SORL1: variants seen among roughly 807,000 people sequenced by gnomAD.
The protein encoded by SORL1 is sortilin related receptor 1.
A neutral mutation model predicts 273.7 loss-of-function variants in SORL1; 127 were observed. The observed-to-expected ratio is 0.46, with a 90% CI of 0.40 to 0.54. The LOEUF (loss-of-function observed/expected upper bound fraction) is 0.54. Among genes scored for constraint, SORL1 ranks in the 20% least tolerant of loss-of-function variants. The pLI is 0.00. For synonymous variants in SORL1, 1,031 were observed against 1,067.4 expected, an observed-to-expected ratio of 0.97 and a Z score of 0.66; for missense variants, 2,494 against 2,846.1, an observed-to-expected ratio of 0.88 and a Z score of 2.81.
chr11:121,474,578 G>A (rs1861230859), intron 2 of SORL1, among the ~76,000 whole-genome samples: 2 of 152,186 alleles, frequency 1.3e-5, no homozygotes, highest in Admixed American at 6.5e-5. Context: ...GAAACCGTGG[G>A]CAGTTCAGTA....
intron 5 of SORL1, among the ~76,000 whole-genome samples, chr11:121,491,077 C>T (rs564368163): frequency 4.6e-5 from 7 of 152,206 alleles, no homozygotes; most frequent in African/African-American, 1.7e-4. Context: ...GAATTCCAGG[C>T]AGAGGAACAA....
In SORL1 at chr11:121,514,290, C is replaced by T. The variant is rs1382941201; in HGVS notation, c.1180C>T (p.Pro394Ser). 1.9e-6 allele frequency: 3 copies of T among 1,614,078 alleles called. No individual in the cohort carries two copies. The highest frequency in any genetic ancestry group is 2.2e-5 in the South Asian group (2 of 91,070). ...CTTGGAGAACGTGCTCTATTACAGCCCAGGAGGGGCCGGCAGTGACACCTT... is the reference window on the plus strand; with the variant it reads ...CTTGGAGAACGTGCTCTATTACAGCTCAGGAGGGGCCGGCAGTGACACCTT... Reference protein sequence around the residue: ...LSLENVLYYSPGGAGSDTLVR... With the variant: ...LSLENVLYYSSGGAGSDTLVR... Residue 394 changes from proline (P) to serine (S), a missense_variant, in exon 8 of 48, where the codon CCA (proline) becomes TCA (serine). Transcript: ENST00000260197.
intron 12 of SORL1, 90 bp downstream of exon 12, chr11:121,532,642 T>A: frequency 9.3e-7 from 1 of 1,078,900 alleles, no homozygotes; most frequent in Non-Finnish European, 1.4e-6. Context: ...TCTATAGCAC[T>A]ATGTTGTTGA....
In SORL1 at chr11:121,591,135, G is replaced by A; in HGVS notation, c.4348G>A (p.Glu1450Lys). 6.2e-7 allele frequency: 1 copy of A among 1,614,146 alleles called. No individual in the cohort carries two copies. Among genetic ancestry groups the A allele is most frequent in the Non-Finnish European group, 8.5e-7 (1 of 1,180,036 alleles). ...CCGAGATTGTGCAGATGGCTCTGAC[G>A]AGGAAGCCTGCCCCTTGCTTGGTGA... ...GYRDCADGSD[E>K]EACPLLANVT... Residue 1450 changes from glutamate to lysine, a missense_variant, in exon 31 of 48, where the codon GAG (glutamate) becomes AAG (lysine). By Grantham distance (56) the Glu-to-Lys change is moderately conservative (BLOSUM62 1). Around this residue, in one of 3 missense-constraint regions of SORL1, gnomAD observed 1,609 missense variants for 1,816.4 expected, o/e 0.89. Coordinates refer to ENST00000260197, the MANE Select transcript of SORL1 (RefSeq NM_003105.6).
chr11:121,598,786 C>A (rs1243980722), intron 32 of SORL1, among the ~76,000 whole-genome samples: 1 of 152,140 alleles, frequency 6.6e-6, no homozygotes, highest in Non-Finnish European at 1.5e-5. Flanking sequence ...TTCCACCATG[C>A]ATAGGTTTTT....
At chr11:121,491,447 G>A (rs1439789582) in intron 5 of SORL1, among the ~76,000 whole-genome samples, 1 of 152,144 alleles carries the variant, frequency 6.6e-6, no homozygotes, top group Non-Finnish European at 1.5e-5. Context: ...GGTATGCTGG[G>A]TCAGTGGGTT....
intron 33 of SORL1, among the ~76,000 whole-genome samples, 196 bp downstream of exon 33, chr11:121,604,520 G>GTCTCCTCCCTGTT: frequency 6.6e-6 from 1 of 151,930 alleles, no homozygotes; most frequent in East Asian, 1.9e-4. Context: ...ACATGCAGCT[G>GTCTCCTCCCTGTT]TCTCCTCCCT....
At chr11:121,555,465 T>C in intron 18 of SORL1, 147 bp downstream of exon 18, 1 of 983,626 alleles carries the variant, frequency 1.0e-6, no homozygotes, top group Non-Finnish European at 1.5e-6. Context: ...CAGCTGAGCC[T>C]CTGGAGAGGA....
At chr11:121,537,008 A>T (rs1180877301) in intron 12 of SORL1, among the ~76,000 whole-genome samples, 2 of 152,142 alleles carry the variant, frequency 1.3e-5, no homozygotes, top group Non-Finnish European at 2.9e-5. Flanking sequence ...CTTCTGAGAG[A>T]GGAAACCCCA....
At chr11:121,466,145 T>C (rs140703537) in intron 1 of SORL1, among the ~76,000 whole-genome samples, 1 of 152,284 alleles carries the variant, frequency 6.6e-6, no homozygotes, top group East Asian at 1.9e-4. Context: ...CAATTAATTG[T>C]GTCTCATTTA....
intron 2 of SORL1, 85 bp from the exon 3 acceptor site, chr11:121,478,032 CA>C (rs55896588): frequency 0.28 from 282,557 of 1,002,146 alleles, 14,723 homozygotes; most frequent in African/African-American, 0.47. Context: ...AACTCAGTCT[CA>C]AAAAAAAAAA....
chr11:121,506,722 G>A (rs952693277), intron 6 of SORL1, among the ~76,000 whole-genome samples: 1 of 152,154 alleles, frequency 6.6e-6, no homozygotes, highest in African/African-American at 2.4e-5. Context: ...ATAGCATATG[G>A]TTGTGTCAGG....
intron 12 of SORL1, among the ~76,000 whole-genome samples, chr11:121,542,817 T>C (rs1163123862): frequency 6.7e-6 from 1 of 149,040 alleles, no homozygotes; most frequent in Non-Finnish European, 1.5e-5. Flanking sequence ...TCTGTAATTA[T>C]ATTATATTAT....
At position 121,627,608 on chromosome 11, in the gene SORL1, G is replaced by C. The variant is rs770592591; in HGVS notation, c.6418G>C (p.Val2140Leu). ...AARSTDVAAV[V>L]VPILFLILLS... is the part of the protein sequence containing the mutation. ...CAGATCTACGGATGTTGCTGCTGTG[G>C]TGGTGCCCATCTTATTCCTGATACT... The change falls in exon 47 of 48, where the codon GTG (valine) becomes CTG (leucine). Residue 2140 changes from valine to leucine, a missense_variant. Around this residue, in one of 3 missense-constraint regions of SORL1, gnomAD observed 1,609 missense variants for 1,816.4 expected, o/e 0.89. Transcript: ENST00000260197. This position sits in a 1 kb window ranked among gnomAD's most constrained non-coding sequence, Gnocchi z 4.9. 1 of 1,614,200 alleles carries C rather than the reference G, an allele frequency of 6.2e-7. No homozygotes were observed. The highest frequency in any genetic ancestry group is 8.5e-7 in the Non-Finnish European group (1 of 1,180,032).
chr11:121,628,316 G>A (rs1309013319), intron 47 of SORL1, among the ~76,000 whole-genome samples: 2 of 152,144 alleles, frequency 1.3e-5, no homozygotes, highest in South Asian at 4.2e-4. Context: ...AGCGGTGGAG[G>A]GGGAAGGGTT....
At chr11:121,496,298 T>G (rs1368845008) in intron 5 of SORL1, among the ~76,000 whole-genome samples, 1 of 152,070 alleles carries the variant, frequency 6.6e-6, no homozygotes, top group African/African-American at 2.4e-5. Flanking sequence ...AGGAGATCAG[T>G]ATGTTTGAGA....
At chr11:121,494,347 A>G (rs1861597506) in intron 5 of SORL1, among the ~76,000 whole-genome samples, 2 of 152,206 alleles carry the variant, frequency 1.3e-5, no homozygotes, top group Non-Finnish European at 2.9e-5. Context: ...TCTCAGAATA[A>G]TGATATACAT....
Position 121,606,932 on chromosome 11 carries a change from C to T in SORL1, c.5036C>T (p.Thr1679Ile), listed in dbSNP as rs372318707. The change falls in exon 36 of 48, where the codon ACC becomes ATC. Residue 1679 changes from threonine (T) to isoleucine (I), a missense_variant. Thr to Ile is a moderately conservative substitution (Grantham distance 89). Transcript: ENST00000260197. Reference sequence around the variant, plus strand: ...GGCCACTGGGCTCCTCCCATCCACACCCATGGCCTCATCCGTGAGTACATT... The same window carrying T: ...GGCCACTGGGCTCCTCCCATCCACATCCATGGCCTCATCCGTGAGTACATT... ...IVGHWAPPIHTHGLIREYIVE... is the reference protein window; with the variant it reads ...IVGHWAPPIHIHGLIREYIVE... 2.5e-5 allele frequency: 41 copies of T among 1,613,482 alleles called. No homozygotes were observed. The highest frequency in any genetic ancestry group is 5.0e-5 in the Admixed American group (3 of 60,008).
At chr11:121,471,898 C>G (rs750749600) in intron 2 of SORL1, among the ~76,000 whole-genome samples, 2 of 152,106 alleles carry the variant, frequency 1.3e-5, no homozygotes. Context: ...CAGGGCTAGA[C>G]TTGTTTGGGG....
Sources: gnomAD v4.1 joint callset for allele counts (sites outside exome capture counted in the v4.1 genomes callset) on GRCh38, gnomAD v4.1.1 for gene constraint, gnomAD v4.1.1 regional missense constraint, Gnocchi (gnomAD v3.1) non-coding constraint, MANE v1.5 for transcripts, NCBI Gene and HGNC (gene_info 2026-07-23, HGNC 2026-07-21) for gene names.